Variants in TRAK1 observed in about 807,000 individuals in gnomAD.
TRAK1 encodes the protein trafficking kinesin-binding protein 1.
Under a neutral mutation model 92.1 loss-of-function variants are expected in TRAK1, and 33 were observed. The ratio of observed to expected loss-of-function variants is 0.36; its 90% CI spans 0.27 to 0.48. The LOEUF (loss-of-function observed/expected upper bound fraction) is 0.48. Among genes scored for constraint, TRAK1 ranks in the 20% least tolerant of loss-of-function variants. The probability of loss-of-function intolerance (pLI) is 0.99; values close to 1 mark genes in which losing one functional copy is unlikely to be tolerated. For synonymous variants in TRAK1, 521 were observed against 517.3 expected (o/e 1.01, Z -0.10); for missense variants, 1,123 against 1,257.9 (o/e 0.89, Z 1.62).
At chr3:42,215,106 G>A (rs79175877) in intron 14 of TRAK1, among the ~76,000 whole-genome samples, 533 of 152,228 alleles carry the variant, frequency 3.5e-3, no homozygotes, top group Non-Finnish European at 6.3e-3. Flanking sequence ...CTTTTCCCAC[G>A]TGAACTCATC....
At chr3:42,193,007 C>G (rs575457400) in intron 7 of TRAK1, 68 bp from the exon 8 acceptor site, 27 of 1,579,130 alleles carry the variant, frequency 1.7e-5, no homozygotes, top group Admixed American at 3.7e-5. Context: ...CACAAAGAAA[C>G]CATTCTCTCT....
intron 2 of TRAK1, among the ~76,000 whole-genome samples, chr3:42,166,904 C>T (rs970503804): frequency 2.0e-5 from 3 of 152,206 alleles, no homozygotes; most frequent in Non-Finnish European, 4.4e-5. Context: ...GACCATTGTT[C>T]GTACGGCTCT....
chr3:42,193,851 C>G lies in TRAK1; in HGVS notation c.928C>G (p.Gln310Glu), dbSNP rs1208620046. Residue 310 changes from glutamine to glutamate, a missense_variant, in exon 9 of 16, where the codon CAG (glutamine) becomes GAG (glutamate). Transcript: ENST00000327628. ...CGCAGTGGAAAATGAAGAACTTGTCCAGCATCTGGGGGCTGCTAAGGATGC... is the reference window on the plus strand; with the variant it reads ...CGCAGTGGAAAATGAAGAACTTGTCGAGCATCTGGGGGCTGCTAAGGATGC... The part of the protein sequence containing the change: ...ACAVENEELV[Q>E]HLGAAKDAQR... 6.2e-7 allele frequency: 1 copy of G among 1,614,076 alleles called. No homozygotes were observed. Among genetic ancestry groups the G allele is most frequent in the Non-Finnish European group, 8.5e-7 (1 of 1,180,048 alleles).
At chr3:42,197,979 T>C (rs571322993) in intron 10 of TRAK1, among the ~76,000 whole-genome samples, 1 of 152,364 alleles carries the variant, frequency 6.6e-6, no homozygotes, top group African/African-American at 2.4e-5. Flanking sequence ...ACATTTCTTG[T>C]GCTCACTAGC....
At chr3:42,175,634 C>A (rs377125777) in intron 2 of TRAK1, among the ~76,000 whole-genome samples, 1 of 152,042 alleles carries the variant, frequency 6.6e-6, no homozygotes, top group African/African-American at 2.4e-5. Flanking sequence ...CCAACAGATC[C>A]GATTTCTCTG....
intron 1 of TRAK1, among the ~76,000 whole-genome samples, chr3:42,114,804 C>T (rs1708957071): frequency 6.6e-6 from 1 of 152,148 alleles, no homozygotes; most frequent in South Asian, 2.1e-4. Context: ...CCTCTGCCTC[C>T]TGGGTTCAAG....
intron 4 of TRAK1, among the ~76,000 whole-genome samples, chr3:42,186,586 T>C (rs1704889984): frequency 6.6e-6 from 1 of 152,210 alleles, no homozygotes; most frequent in African/African-American, 2.4e-5. Flanking sequence ...TGAGAAGGCA[T>C]GCTGGGTCAG....
chr3:42,203,531 A>G, intron 13 of TRAK1: 1 of 980,194 alleles, frequency 1.0e-6, no homozygotes, highest in South Asian at 4.7e-5. Flanking sequence ...AGGCACTTAT[A>G]AAATGTTTTC....
chr3:42,062,615 T>C (rs1703496359), intron 1 of TRAK1, among the ~76,000 whole-genome samples: 1 of 152,186 alleles, frequency 6.6e-6, no homozygotes, highest in African/African-American at 2.4e-5. Flanking sequence ...TGCTACTCTG[T>C]GTGAAATAGG....
At chr3:42,159,001 A>AATAATAATAATAATAATT in intron 2 of TRAK1, among the ~76,000 whole-genome samples, 1 of 141,560 alleles carries the variant, frequency 7.1e-6, no homozygotes, top group African/African-American at 2.5e-5. Context: ...TAATAATAAT[A>AATAATAATAATAATAATT]ATTAGAGGAT....
intron 1 of TRAK1, among the ~76,000 whole-genome samples, chr3:42,062,647 A>G (rs1353378286): frequency 6.6e-6 from 1 of 152,214 alleles, no homozygotes; most frequent in African/African-American, 2.4e-5. Flanking sequence ...AGGTTGTGTC[A>G]GCGCTATCTG....
chr3:42,042,141 G>C (rs1009976662), intron 1 of TRAK1, among the ~76,000 whole-genome samples: 2 of 152,098 alleles, frequency 1.3e-5, no homozygotes, highest in African/African-American at 4.8e-5. Context: ...TGGCCAGGCT[G>C]GTCTCAAACT....
chr3:42,051,989 G>A (rs552241131), intron 1 of TRAK1, among the ~76,000 whole-genome samples: 1 of 152,288 alleles, frequency 6.6e-6, no homozygotes, highest in Non-Finnish European at 1.5e-5. Flanking sequence ...GCCACCCTGT[G>A]CCTTTGTGAT....
chr3:42,139,356 G>T (rs1029319313), intron 2 of TRAK1, among the ~76,000 whole-genome samples: 1 of 152,154 alleles, frequency 6.6e-6, no homozygotes, highest in Non-Finnish European at 1.5e-5. Flanking sequence ...AGGATCAAAG[G>T]TAGAAGCAGA....
rs79500038 is a variant in TRAK1 at position 42,203,127 on chromosome 3, A to G, written c.1744+375A>G. The G allele has an allele frequency of 6.5e-3, 7,966 of 1,228,182 alleles. 457 individuals are homozygous for G. The African/African-American group carries it at 0.11, about 17-fold the overall frequency. The allele number at this position is 1,228,182 out of a possible 1,614,324, so 76.1% of individuals were successfully genotyped here. ...TTTTGCCTGTGGGTGTGAGGAATGC[A>G]GAAAATTAATGCTTTAGCTTTTCTG... On this transcript the variant is annotated intron_variant, in intron 13 of 15. Transcript: ENST00000327628.
intron 1 of TRAK1, among the ~76,000 whole-genome samples, chr3:42,023,269 G>A (rs1336009089): frequency 6.6e-6 from 1 of 152,024 alleles, no homozygotes; most frequent in Non-Finnish European, 1.5e-5. Context: ...TTGGCAAAAG[G>A]CAGCATGGCA....
chr3:42,081,623 A>G (rs1210754975), intron 1 of TRAK1, among the ~76,000 whole-genome samples: 1 of 152,240 alleles, frequency 6.6e-6, no homozygotes, highest in Non-Finnish European at 1.5e-5. Flanking sequence ...AATGTACTCC[A>G]TGAAACAAAT....
chr3:42,209,068 C>T (rs1269647296), intron 13 of TRAK1, among the ~76,000 whole-genome samples: 3 of 152,154 alleles, frequency 2.0e-5, no homozygotes, highest in Non-Finnish European at 4.4e-5. Flanking sequence ...TTGGTGTCAT[C>T]GAGAAGATGG....
chr3:42,062,593 A>G (rs888319619), intron 1 of TRAK1, among the ~76,000 whole-genome samples: 4 of 152,032 alleles, frequency 2.6e-5, no homozygotes, highest in Non-Finnish European at 5.9e-5. Flanking sequence ...TTTCCTTTTC[A>G]CTGACCATGC....
Sources: allele counts gnomAD v4.1 joint callset (sites outside exome capture counted in the v4.1 genomes callset), GRCh38; gene constraint gnomAD v4.1.1; transcripts MANE v1.5; gene names NCBI Gene and HGNC (gene_info 2026-07-23, HGNC 2026-07-21).